The following GLB1L2 variants were observed in gnomAD, a reference collection of about 807,000 sequenced individuals.
GLB1L2 encodes the protein galactosidase beta 1 like 2.
GLB1L2 carries 68 observed loss-of-function variants against 84.1 expected under a neutral mutation model. The ratio of observed to expected loss-of-function variants is 0.81; its 90% CI spans 0.67 to 0.99. The LOEUF is 0.99. Among genes scored for constraint, GLB1L2 ranks in the 50% least tolerant of loss-of-function variants. The pLI, the probability that GLB1L2 is intolerant of heterozygous loss-of-function variation, is 0.00. For missense variants in GLB1L2, 762 were observed against 805.6 expected, an observed-to-expected ratio of 0.95 and a Z score of 0.66; for synonymous variants, 290 against 318.0, an observed-to-expected ratio of 0.91 and a Z score of 0.94.
intron 5 of GLB1L2, among the ~76,000 whole-genome samples, chr11:134,349,262 G>A (rs574772265): frequency 5.5e-4 from 84 of 152,314 alleles, no homozygotes; most frequent in Non-Finnish European, 7.2e-4. Flanking sequence ...GTCATAGCCT[G>A]TGTCAGAATT....
chr11:134,373,708 C>A lies in GLB1L2; in HGVS notation c.1508-13C>A. 1 of 1,590,326 alleles carries A rather than the reference C, an allele frequency of 6.3e-7. No individual in the cohort carries two copies. Among genetic ancestry groups the A allele is most frequent in the Non-Finnish European group, 8.6e-7 (1 of 1,160,246 alleles). On this transcript the variant is annotated splice_polypyrimidine_tract_variant and intron_variant, in intron 15 of 18. Transcript: ENST00000535456. ...CCTTTGGGCTACCCACGTGTCCTGC[C>A]TCCCTCCCACAGGCTTAATTGGAAA...
chr11:134,368,467 C>T (rs1330444448), intron 9 of GLB1L2, among the ~76,000 whole-genome samples, 177 bp from the exon 10 acceptor site: 1 of 152,192 alleles, frequency 6.6e-6, no homozygotes, highest in African/African-American at 2.4e-5. Context: ...GCCCACACTT[C>T]CTCCTCCACC....
At chr11:134,342,633 C>T (rs1435172451) in intron 1 of GLB1L2, 121 bp from the exon 2 acceptor site, 2 of 1,009,446 alleles carry the variant, frequency 2.0e-6, no homozygotes, top group South Asian at 1.6e-5. Context: ...GGGAGCTTTT[C>T]CCAGCCACCT....
chr11:134,347,474 C>T, intron 5 of GLB1L2, 41 bp downstream of exon 5: 2 of 1,384,080 alleles, frequency 1.4e-6, no homozygotes, highest in Non-Finnish European at 2.1e-6. Flanking sequence ...GGTCTGTCTT[C>T]CTCTAGGTCG....
chr11:134,364,937 C>T (rs958049542), intron 8 of GLB1L2: 5 of 152,964 alleles, frequency 3.3e-5, no homozygotes, highest in African/African-American at 9.6e-5. Context: ...CTCGCGTGCC[C>T]CTCCGAAGCA....
At chr11:134,374,078 T>G in intron 16 of GLB1L2, 67 bp from the exon 17 acceptor site, 1 of 1,211,562 alleles carries the variant, frequency 8.3e-7, no homozygotes, top group South Asian at 1.2e-5. Context: ...GGCCTTTTAT[T>G]TTGCTTTATT....
Position 134,374,165 on chromosome 11 carries a change from G to A in GLB1L2, c.1616G>A (p.Ser539Asn). ...CTTAGGTTCGGCCTGGACAAATGGA[G>A]TTCCCTCCCAGAAACACCCACATTA... is the stretch of plus-strand genomic sequence containing the variant. The part of the protein sequence containing the change: ...FFQRFGLDKW[S>N]SLPETPTLPA... Residue 539 changes from serine to asparagine, a missense_variant, in exon 17 of 19, where the codon AGT becomes AAT. Physicochemically the swap from Ser to Asn is conservative, Grantham distance 46. Transcript: ENST00000535456. 6.2e-7 allele frequency: 1 copy of A among 1,613,926 alleles called. No individual in the cohort carries two copies. The highest frequency in any genetic ancestry group is 1.1e-5 in the South Asian group (1 of 91,076).
In GLB1L2 at chr11:134,371,131, G is replaced by T. The variant is rs375722955; in HGVS notation, c.1339G>T (p.Val447Leu). The T allele has an allele frequency of 1.5e-5, 24 of 1,614,080 alleles. No individual in the cohort carries two copies. In the Admixed American group the frequency reaches 3.7e-4, roughly 25 times the overall value. ...CTCGTCTGGCATCCTCAGTGGCCAC[G>T]TGCATGATCGGGGGCAGGTAGGAGC... ...ITSSGILSGH[V>L]HDRGQVFVNT... is the part of the protein sequence containing the mutation. The change falls in exon 13 of 19, where the codon GTG becomes TTG. Residue 447 changes from valine to leucine, a missense_variant. Coordinates refer to ENST00000535456, the MANE Select transcript of GLB1L2 (RefSeq NM_001370461.1).
At chr11:134,352,836 C>A (rs892973154) in intron 5 of GLB1L2, among the ~76,000 whole-genome samples, 2 of 151,882 alleles carry the variant, frequency 1.3e-5, no homozygotes. Context: ...TTAGTAGAGA[C>A]GGGGTTTCCC....
intron 5 of GLB1L2, among the ~76,000 whole-genome samples, chr11:134,348,499 G>A (rs548021753): frequency 4.3e-4 from 66 of 152,164 alleles, no homozygotes; most frequent in African/African-American, 1.4e-3. Flanking sequence ...GACGTGCAGC[G>A]GGTCACCAAT....
At chr11:134,363,864 C>A (rs976238752) in intron 7 of GLB1L2, among the ~76,000 whole-genome samples, 3 of 152,138 alleles carry the variant, frequency 2.0e-5, no homozygotes, top group Non-Finnish European at 2.9e-5. Flanking sequence ...CTCCTGGCGT[C>A]CTGGCTGACT....
intron 2 of GLB1L2, 99 bp downstream of exon 2, chr11:134,343,050 C>T (rs768277341): frequency 2.6e-5 from 33 of 1,268,924 alleles, no homozygotes; most frequent in Non-Finnish European, 3.2e-5. Flanking sequence ...AGGTCCTCTG[C>T]CCAGGGCGAG....
At chr11:134,357,307 C>T (rs1324268238) in intron 6 of GLB1L2, among the ~76,000 whole-genome samples, 2 of 152,214 alleles carry the variant, frequency 1.3e-5, no homozygotes, top group African/African-American at 4.8e-5. Flanking sequence ...AGGCTCAGTC[C>T]CTTCAACTTG....
At chr11:134,368,434 C>G (rs150438265) in intron 9 of GLB1L2, among the ~76,000 whole-genome samples, 1 of 152,158 alleles carries the variant, frequency 6.6e-6, no homozygotes, top group Non-Finnish European at 1.5e-5. Flanking sequence ...ACTGGAGGCT[C>G]GAGCTCTGGG....
chr11:134,362,836 T>C (rs767794112), intron 7 of GLB1L2, among the ~76,000 whole-genome samples: 14 of 152,062 alleles, frequency 9.2e-5, no homozygotes, highest in Non-Finnish European at 2.1e-4. Context: ...GGTGACCAGG[T>C]CCTGGGGCTG....
At chr11:134,367,140 G>T in intron 8 of GLB1L2, 117 bp from the exon 9 acceptor site, 2 of 891,020 alleles carry the variant, frequency 2.2e-6, no homozygotes, top group Non-Finnish European at 3.7e-6. Context: ...AAGGCAGTGG[G>T]TATGCAGACA....
chr11:134,356,086 A>G (rs746319909), intron 5 of GLB1L2: 17 of 667,578 alleles, frequency 2.5e-5, no homozygotes, highest in Middle Eastern at 4.8e-4. Flanking sequence ...CAGAGCTCCT[A>G]TTAAGTTATT....
Position 134,364,323 on chromosome 11 carries a change from A to G in GLB1L2, c.734-5A>G. The G allele has an allele frequency of 6.2e-7, 1 of 1,612,536 alleles. No homozygotes were observed. The highest frequency in any genetic ancestry group is 8.5e-7 in the Non-Finnish European group (1 of 1,178,856). ...TGTCTCTCTCTCTCCTCTTCCCTTTAACAGTCTTGGCCACCATCAACTTGC... is the reference window on the plus strand; with the variant it reads ...TGTCTCTCTCTCTCCTCTTCCCTTTGACAGTCTTGGCCACCATCAACTTGC... On this transcript the variant is annotated splice_polypyrimidine_tract_variant and splice_region_variant and intron_variant, in intron 7 of 18. Coordinates refer to ENST00000535456, the MANE Select transcript of GLB1L2 (RefSeq NM_001370461.1).
intron 16 of GLB1L2, 109 bp downstream of exon 16, chr11:134,373,917 C>T (rs1565443948): frequency 3.5e-6 from 3 of 847,036 alleles, no homozygotes; most frequent in Non-Finnish European, 3.8e-6. Context: ...GGTGTGAACG[C>T]CTCCAGGGGC....
Sources: gnomAD v4.1 joint callset for allele counts (sites outside exome capture counted in the v4.1 genomes callset) on GRCh38, gnomAD v4.1.1 for gene constraint, MANE v1.5 for transcripts, NCBI Gene and HGNC (gene_info 2026-07-23, HGNC 2026-07-21) for gene names.